TTC28: variants seen among roughly 807,000 people sequenced by gnomAD.
The protein encoded by TTC28 is tetratricopeptide repeat protein 28.
A neutral mutation model predicts 198.0 loss-of-function variants in TTC28; 61 were observed. The ratio of observed to expected loss-of-function variants is 0.31; its 90% CI spans 0.25 to 0.38. The LOEUF (loss-of-function observed/expected upper bound fraction) is 0.38. TTC28 is among the 10% of genes least tolerant of loss of function. TTC28 has a pLI of 1.00. For synonymous variants in TTC28, 1,171 were observed against 1,297.8 expected (o/e 0.90, Z 2.10); for missense variants, 2,678 against 3,164.0 (o/e 0.85, Z 3.69).
At chr22:28,249,239 G>A (rs952298572) in intron 5 of TTC28, among the ~76,000 whole-genome samples, 16 of 151,946 alleles carry the variant, frequency 1.1e-4, no homozygotes, top group Non-Finnish European at 1.5e-4. Flanking sequence ...TGTAAAATGA[G>A]GACAAGAACA....
chr22:28,663,437 T>TGC (rs1313665313), intron 1 of TTC28, among the ~76,000 whole-genome samples: 1 of 144,166 alleles, frequency 6.9e-6, no homozygotes, highest in Non-Finnish European at 1.5e-5. Flanking sequence ...CCAGTGTGTG[T>TGC]GCGCACCGTG....
At chr22:28,200,976 C>T (rs1925879400) in intron 5 of TTC28, among the ~76,000 whole-genome samples, 2 of 152,070 alleles carry the variant, frequency 1.3e-5, no homozygotes, top group Non-Finnish European at 2.9e-5. Flanking sequence ...TCTTGTTTTC[C>T]CATTTATAAA....
At chr22:28,512,014 C>A (rs1258374070) in intron 2 of TTC28, among the ~76,000 whole-genome samples, 1 of 151,510 alleles carries the variant, frequency 6.6e-6, no homozygotes, top group Non-Finnish European at 1.5e-5. Flanking sequence ...AACGGAAAAC[C>A]TACAGAATGG....
chr22:28,061,132 G>A (rs1022620877), intron 12 of TTC28, among the ~76,000 whole-genome samples: 2 of 152,008 alleles, frequency 1.3e-5, no homozygotes, highest in East Asian at 1.9e-4. Context: ...TTGTCAGATG[G>A]GTAGATTGCA....
intron 1 of TTC28, among the ~76,000 whole-genome samples, chr22:28,679,207 G>C (rs9625528): frequency 6.6e-6 from 1 of 152,214 alleles, no homozygotes; most frequent in Non-Finnish European, 1.5e-5. Context: ...ACCCCGGAAA[G>C]GTAGCACCTG....
At chr22:28,436,418 G>T (rs1251337130) in intron 2 of TTC28, among the ~76,000 whole-genome samples, 1 of 152,134 alleles carries the variant, frequency 6.6e-6, no homozygotes, top group Non-Finnish European at 1.5e-5. Context: ...TAAAAATATA[G>T]TCAAAGGAGG....
At chr22:28,468,927 A>C (rs2048063250) in intron 2 of TTC28, among the ~76,000 whole-genome samples, 1 of 152,138 alleles carries the variant, frequency 6.6e-6, no homozygotes, top group African/African-American at 2.4e-5. Context: ...GTCTAATACT[A>C]GTTGTTAGAT....
At chr22:28,071,709 T>G (rs1940975652) in intron 12 of TTC28, among the ~76,000 whole-genome samples, 1 of 122,224 alleles carries the variant, frequency 8.2e-6, no homozygotes, top group Non-Finnish European at 1.6e-5. Context: ...AATGTGCACA[T>G]GTACCCTAAA....
intron 2 of TTC28, among the ~76,000 whole-genome samples, chr22:28,489,708 C>T (rs1016892054): frequency 1.3e-5 from 2 of 151,782 alleles, no homozygotes; most frequent in Non-Finnish European, 2.9e-5. Context: ...ACTGTTTGAG[C>T]CCAGGAGTTC....
intron 2 of TTC28, among the ~76,000 whole-genome samples, chr22:28,364,865 G>GATGCTGTGA (rs1168738312): frequency 6.6e-6 from 1 of 152,198 alleles, no homozygotes; most frequent in Non-Finnish European, 1.5e-5. Context: ...TCCTGGTAAA[G>GATGCTGTGA]ATGCTGTGAA....
In TTC28 at chr22:28,421,866, C is replaced by T. The variant is rs543255121; in HGVS notation, c.382-115223G>A. 1.5e-4 allele frequency among the ~76,000 whole-genome samples: 22 copies of T among 146,500 alleles called. No homozygotes were observed. In the South Asian group the frequency reaches 1.9e-3, roughly 13 times the overall value. On this transcript the variant is annotated intron_variant, in intron 2 of 22. Coordinates refer to ENST00000397906, the MANE Select transcript of TTC28 (RefSeq NM_001145418.2). ...AGGAGAATCACCTGAACCTGGTAGG[C>T]GGAGGTTGCAGTGAGCAGAGATCGC...
intron 5 of TTC28, among the ~76,000 whole-genome samples, chr22:28,237,747 T>A (rs1467908409): frequency 6.6e-6 from 1 of 152,190 alleles, no homozygotes; most frequent in Non-Finnish European, 1.5e-5. Flanking sequence ...GTTTCTGGTA[T>A]CATTTTCCCT....
chr22:28,271,800 T>C lies in TTC28; in HGVS notation c.933+24398A>G, dbSNP rs1054634537. 1.3e-4 allele frequency among the ~76,000 whole-genome samples: 20 copies of C among 152,160 alleles called. 1 individual carries two copies. The highest frequency in any genetic ancestry group is 1.5e-5 in the Non-Finnish European group (1 of 68,010). On this transcript the variant is annotated intron_variant, in intron 5 of 22. Coordinates refer to ENST00000397906, the MANE Select transcript of TTC28 (RefSeq NM_001145418.2). ...TTGTATTTTTAGTGGAGATGGGGTTTCACCATGTTGGCCAGGCTGGTCTCA... is the reference window on the plus strand; with the variant it reads ...TTGTATTTTTAGTGGAGATGGGGTTCCACCATGTTGGCCAGGCTGGTCTCA...
At chr22:28,139,196 A>G (rs984428084) in intron 6 of TTC28, among the ~76,000 whole-genome samples, 34 of 152,192 alleles carry the variant, frequency 2.2e-4, no homozygotes, top group African/African-American at 8.2e-4. Context: ...CGAAAGGCCT[A>G]GTACCAGGCC....
chr22:28,260,749 A>G (rs952899502), intron 5 of TTC28, among the ~76,000 whole-genome samples: 6 of 152,206 alleles, frequency 3.9e-5, no homozygotes, highest in African/African-American at 1.4e-4. Flanking sequence ...CTGTACCTAA[A>G]GAATGATAGG....
intron 2 of TTC28, among the ~76,000 whole-genome samples, chr22:28,349,717 A>G (rs1311197879): frequency 6.6e-6 from 1 of 152,256 alleles, no homozygotes; most frequent in African/African-American, 2.4e-5. Flanking sequence ...TGAATAAATT[A>G]AAGTGTATTA....
intron 13 of TTC28, among the ~76,000 whole-genome samples, chr22:28,029,719 T>C (rs998342919): frequency 6.6e-6 from 1 of 152,194 alleles, no homozygotes; most frequent in African/African-American, 2.4e-5. Context: ...GACAGGGAAC[T>C]GAGGTCTTGG....
chr22:28,545,610 TAAC>T (rs2145944742), intron 2 of TTC28, among the ~76,000 whole-genome samples: 1 of 151,992 alleles, frequency 6.6e-6, no homozygotes, highest in Admixed American at 6.6e-5. Context: ...CTAATATAAA[TAAC>T]AGGTGAATTT....
intron 1 of TTC28, among the ~76,000 whole-genome samples, chr22:28,675,971 T>G (rs1486796453): frequency 6.6e-6 from 1 of 152,110 alleles, no homozygotes; most frequent in East Asian, 1.9e-4. Flanking sequence ...CCTGTAGTCT[T>G]AAACAATTAT....
Sources: gnomAD v4.1 joint callset for allele counts (sites outside exome capture counted in the v4.1 genomes callset) on GRCh38, gnomAD v4.1.1 for gene constraint, MANE v1.5 for transcripts, NCBI Gene and HGNC (gene_info 2026-07-23, HGNC 2026-07-21) for gene names.